Variants in RACGAP1 observed in about 807,000 individuals in gnomAD.
The protein encoded by RACGAP1 is rac GTPase-activating protein 1.
In RACGAP1, 30 loss-of-function variants were observed where a neutral mutation model predicts 78.1. The ratio of observed to expected loss-of-function variants is 0.38; its 90% CI spans 0.29 to 0.52. The LOEUF is 0.52. RACGAP1 is among the 20% of genes least tolerant of loss of function. The pLI is 0.82. For missense variants in RACGAP1, 587 were observed against 777.1 expected (o/e 0.76, Z 2.91); for synonymous variants, 231 against 264.8 (o/e 0.87, Z 1.24).
intron 1 of RACGAP1, among the ~76,000 whole-genome samples, chr12:50,018,021 A>G (rs1949775186): frequency 6.6e-6 from 1 of 152,014 alleles, no homozygotes; most frequent in South Asian, 2.1e-4. Flanking sequence ...AGCTGGGCAC[A>G]GTTATGTGTG....
upstream of RACGAP1, among the ~76,000 whole-genome samples, chr12:50,028,765 C>T (rs1255198720): frequency 6.6e-6 from 1 of 151,568 alleles, no homozygotes. Flanking sequence ...GAGAAAGACT[C>T]TGTCTCAAAA....
chr12:50,022,222 A>T (rs1170120223), intron 1 of RACGAP1, among the ~76,000 whole-genome samples: 1 of 152,216 alleles, frequency 6.6e-6, no homozygotes. Context: ...TTCCTTTATT[A>T]TCTATAACAT....
intron 1 of RACGAP1, among the ~76,000 whole-genome samples, chr12:50,023,213 G>A (rs1950098668): frequency 6.6e-6 from 1 of 152,128 alleles, no homozygotes; most frequent in Admixed American, 6.5e-5. Flanking sequence ...GATTTCCAAG[G>A]CTAGGAGTGC....
intron 9 of RACGAP1, 40 bp from the exon 10 acceptor site, chr12:49,997,244 T>C: frequency 6.9e-7 from 1 of 1,444,734 alleles, no homozygotes; most frequent in Non-Finnish European, 9.2e-7. Context: ...GTGATATGAA[T>C]TAGAAAATTA....
At chr12:50,017,053 C>T in intron 1 of RACGAP1, 2 of 1,050,740 alleles carry the variant, frequency 1.9e-6, no homozygotes, top group Non-Finnish European at 2.3e-6. Flanking sequence ...TCAAGTCAAG[C>T]CTATTGATTA....
At chr12:50,003,023 CA>C (rs11326258) in intron 5 of RACGAP1, among the ~76,000 whole-genome samples, 6,351 of 64,236 alleles carry the variant, frequency 0.099, 330 homozygotes, top group African/African-American at 0.28. Flanking sequence ...GACTCTGTCT[CA>C]AAAAAAAAAA....
intron 5 of RACGAP1, among the ~76,000 whole-genome samples, chr12:50,003,203 T>C (rs1388349673): frequency 6.6e-6 from 1 of 152,158 alleles, no homozygotes; most frequent in African/African-American, 2.4e-5. Context: ...CTGAAAACAG[T>C]ATCTAGAAAC....
chr12:50,005,066 A>C (rs1391460635), intron 4 of RACGAP1, among the ~76,000 whole-genome samples, 190 bp downstream of exon 4: 1 of 152,230 alleles, frequency 6.6e-6, no homozygotes, highest in Non-Finnish European at 1.5e-5. Context: ...GAAAGATTTA[A>C]AAATAAAATA....
intron 2 of RACGAP1, among the ~76,000 whole-genome samples, chr12:50,030,507 G>A (rs1276840062): frequency 1.3e-5 from 2 of 152,004 alleles, no homozygotes; most frequent in African/African-American, 4.8e-5. Flanking sequence ...GCCCAACATG[G>A]TGAAGCCCTG....
At chr12:50,010,624 G>A (rs750249588) in intron 2 of RACGAP1, among the ~76,000 whole-genome samples, 1 of 150,736 alleles carries the variant, frequency 6.6e-6, no homozygotes, top group Non-Finnish European at 1.5e-5. Flanking sequence ...TGCCCGGCCC[G>A]GACTTAGCTT....
intron 2 of RACGAP1, among the ~76,000 whole-genome samples, chr12:50,009,242 CAAAAAAAAAA>C (rs397751749): frequency 4.6e-5 from 3 of 65,260 alleles, no homozygotes; most frequent in Non-Finnish European, 1.0e-4. Context: ...GATGCTGTCT[CAAAAAAAAAA>C]AAAAAAAAAA....
upstream of RACGAP1, among the ~76,000 whole-genome samples, chr12:50,029,465 G>A (rs1430984723): frequency 1.3e-5 from 2 of 151,576 alleles, no homozygotes; most frequent in African/African-American, 2.4e-5. Flanking sequence ...CCAGCTACTC[G>A]AGAGGCTGAG....
At chr12:50,032,021 C>T (rs183329856) in intron 1 of RACGAP1, among the ~76,000 whole-genome samples, 1 of 152,178 alleles carries the variant, frequency 6.6e-6, no homozygotes, top group East Asian at 1.9e-4. Context: ...GTGGCACGTG[C>T]CTGTAGTCCC....
Position 50,005,471 on chromosome 12 carries a change from C to T in RACGAP1, c.289-79G>A, listed in dbSNP as rs2307084. On this transcript the variant is annotated intron_variant, in intron 3 of 16. Transcript: ENST00000312377. ...CCTCAAGTTTATGGGACAGGCAGAC[C>T]AGAAGACATTAAAATGCAGCATTAT... is the stretch of plus-strand genomic sequence containing the variant. 62,817 of 1,533,338 alleles carry T rather than the reference C, an allele frequency of 0.041. 1,887 individuals are homozygous for T. Among genetic ancestry groups the T allele is most frequent in the East Asian group, 0.15 (6,702 of 43,488 alleles). The allele number at this position is 1,533,338 out of a possible 1,614,324, so 95.0% of individuals were successfully genotyped here. A position where few individuals can be genotyped will look rare whatever the true frequency, so the allele number is the denominator to read the frequency against.
Position 49,994,037 on chromosome 12 carries a change from G to A in RACGAP1, c.1339+94C>T, listed in dbSNP as rs887220311. 3.0e-5 allele frequency: 37 copies of A among 1,234,756 alleles called. No homozygotes were observed. In the African/African-American group the frequency reaches 4.8e-4, roughly 16 times the overall value. 76.5% of individuals were successfully genotyped at this position (1,234,756 alleles called of 1,614,324 possible). ...TCAGCCTGGGCGAGAGTGAGACTCT[G>A]TCTAAAAAATAAAAAATAAATAAAA... On this transcript the variant is annotated intron_variant, in intron 12 of 16. Transcript: ENST00000312377.
At chr12:49,990,435 T>C in intron 16 of RACGAP1, 92 bp from the exon 17 acceptor site, 1 of 1,134,948 alleles carries the variant, frequency 8.8e-7, no homozygotes, top group Admixed American at 2.0e-5. Flanking sequence ...CCATTATAAG[T>C]AGGAAACCCT....
At chr12:50,010,710 A>G (rs1949268723) in intron 2 of RACGAP1, among the ~76,000 whole-genome samples, 1 of 151,868 alleles carries the variant, frequency 6.6e-6, no homozygotes, top group African/African-American at 2.4e-5. Flanking sequence ...GGACAGGTGG[A>G]TCATCTGAGG....
At chr12:50,009,560 C>T (rs1159140875) in intron 2 of RACGAP1, among the ~76,000 whole-genome samples, 3 of 152,114 alleles carry the variant, frequency 2.0e-5, no homozygotes, top group Non-Finnish European at 4.4e-5. Context: ...GACAAAGACC[C>T]TATGTCTCCT....
At chr12:49,996,399 T>C (rs953572532) in intron 10 of RACGAP1, among the ~76,000 whole-genome samples, 8 of 146,136 alleles carry the variant, frequency 5.5e-5, no homozygotes, top group Non-Finnish European at 1.1e-4. Flanking sequence ...GAGGCTGAGG[T>C]GGGCGGATCA....
Sources: gnomAD v4.1 joint callset for allele counts (sites outside exome capture counted in the v4.1 genomes callset) on GRCh38, gnomAD v4.1.1 for gene constraint, MANE v1.5 for transcripts, NCBI Gene and HGNC (gene_info 2026-07-23, HGNC 2026-07-21) for gene names.